RIF1: variants seen among roughly 807,000 people sequenced by gnomAD.
RIF1 encodes the protein replication timing regulatory factor 1.
A neutral mutation model predicts 247.1 loss-of-function variants in RIF1; 45 were observed. The observed-to-expected ratio is 0.18, with a 90% confidence interval of 0.14 to 0.23. The LOEUF is 0.23. Ranked by LOEUF, RIF1 falls within the 10% of genes least tolerant of loss-of-function variation. The pLI is 1.00. For missense variants in RIF1, 2,967 were observed against 2,862.5 expected (o/e 1.04, Z -0.83); for synonymous variants, 1,087 against 978.8 (o/e 1.11, Z -2.06).
At position 151,433,077 on chromosome 2, in the gene RIF1, A is replaced by G; in HGVS notation, c.926A>G (p.Asp309Gly). The G allele has an allele frequency of 1.2e-6, 2 of 1,608,150 alleles. No homozygotes were observed. The highest frequency in any genetic ancestry group is 1.7e-6 in the Non-Finnish European group (2 of 1,176,496). ...SLIDNFALNP[D>G]ILCSAKRLKL... ...AACTGTGTGCTTATTTTCTTTTAAG[A>G]TATACTATGTAGTGCAAAAAGACTC... is the stretch of plus-strand genomic sequence containing the variant. Residue 309 changes from aspartate (D) to glycine (G), a missense_variant and splice_region_variant, in exon 10 of 36, where the codon GAT becomes GGT. Transcript: ENST00000444746.
intron 16 of RIF1, among the ~76,000 whole-genome samples, chr2:151,443,022 C>T (rs1002676374): frequency 2.0e-5 from 3 of 151,938 alleles, no homozygotes; most frequent in Admixed American, 2.0e-4. Flanking sequence ...GTGATCCACC[C>T]GCCTCGGCCT....
At chr2:151,532,271 C>A in the RIF1 span, 15 of 168,060 alleles carry the variant, frequency 8.9e-5, no homozygotes, top group Non-Finnish European at 3.8e-5. Context: ...CCAGAGGTTA[C>A]GAGACTGACC....
Position 151,443,551 on chromosome 2 carries a change from C to T in RIF1, c.1828C>T (p.Leu610Phe). ...CAGGTTCTTTCTCAGTTTGGAATCA[C>T]TTGTAGGCTGTGTTCTTTCTGGTCC... ...DERFFLSLES[L>F]VGCVLSGPTS... The change falls in exon 18 of 36, where the codon CTT (leucine) becomes TTT (phenylalanine). Residue 610 changes from leucine to phenylalanine, a missense_variant. Transcript: ENST00000444746. 6.2e-7 allele frequency: 1 copy of T among 1,603,298 alleles called. No individual in the cohort carries two copies. The highest frequency in any genetic ancestry group is 1.1e-5 in the South Asian group (1 of 88,320).
At chr2:151,512,207 AT>A (rs1282822020), downstream of RIF1, among the ~76,000 whole-genome samples, 3 of 150,562 alleles carry the variant, frequency 2.0e-5, no homozygotes, top group Admixed American at 6.6e-5. Flanking sequence ...ATTTTTGTGT[AT>A]TTTTTTTAGT....
At chr2:151,461,957 T>C (rs1401300400) in intron 27 of RIF1, among the ~76,000 whole-genome samples, 5 of 152,174 alleles carry the variant, frequency 3.3e-5, no homozygotes, top group Non-Finnish European at 4.4e-5. Flanking sequence ...CACTGCAGTC[T>C]CTGCCTCCCG....
rs758229660 is a variant in RIF1, at chr2:151,420,199, A to G, written c.513A>G (p.Glu171=). The G allele has an allele frequency of 2.5e-6, 4 of 1,613,074 alleles. No homozygotes were observed. The highest frequency in any genetic ancestry group is 1.3e-5 in the African/African-American group (1 of 74,914). ...GATTTCTCTATTATAGGCTAATTGA[A>G]CAAGCCCCAATTCAAATGGGAGAAG... ...EALNVIVRLI[E]QAPIQMGEEA... Residue 171 remains glutamate (E), a synonymous_variant, in exon 7 of 36, where the codon GAA becomes GAG. Coordinates refer to ENST00000444746, the MANE Select transcript of RIF1 (RefSeq NM_018151.5).
At position 151,443,672 on chromosome 2, in the gene RIF1, G is replaced by A. The variant is rs1337956807; in HGVS notation, c.1949G>A (p.Ser650Asn). 3.1e-6 allele frequency: 5 copies of A among 1,609,158 alleles called. No individual in the cohort carries two copies. Among genetic ancestry groups the A allele is most frequent in the Middle Eastern group, 1.7e-4 (1 of 6,008 alleles). ...AAGGAGCATCTCTGGAAAATGTGGA[G>A]TGTTATAGTCACCCCATTAACTGAA... is the stretch of plus-strand genomic sequence containing the variant. ...ENKEHLWKMW[S>N]VIVTPLTELI... is the part of the protein sequence containing the mutation. The change falls in exon 18 of 36, where the codon AGT becomes AAT. Residue 650 changes from serine to asparagine, a missense_variant. Coordinates refer to ENST00000444746, the MANE Select transcript of RIF1 (RefSeq NM_018151.5).
intron 3 of RIF1, among the ~76,000 whole-genome samples, chr2:151,413,619 C>T (rs1196205446): frequency 6.6e-6 from 1 of 152,186 alleles, no homozygotes; most frequent in Non-Finnish European, 1.5e-5. Flanking sequence ...CAAACATTTA[C>T]TAGCTGTTAT....
chr2:151,448,350 G>T (rs765166080), intron 20 of RIF1, among the ~76,000 whole-genome samples: 8 of 152,070 alleles, frequency 5.3e-5, no homozygotes, highest in African/African-American at 1.2e-4. Flanking sequence ...AGCCAAAAAT[G>T]ACAGTTCTTA....
chr2:151,516,665 G>C, the RIF1 span: 1 of 761,274 alleles, frequency 1.3e-6, no homozygotes, highest in Non-Finnish European at 2.3e-6. Flanking sequence ...CAATTGGATG[G>C]CATCTCATTG....
chr2:151,436,955 C>G lies in RIF1; in HGVS notation c.1324C>G (p.Pro442Ala). ...AATGTTGCTTCATTTCTTGTTGGGT[C>G]CAGAAGCCTTGAGTTTTGCTAAGCA... ...LEMLLHFLLG[P>A]EALSFAKQNK... is the part of the protein sequence containing the mutation. Residue 442 changes from proline to alanine, a missense_variant, in exon 12 of 36, where the codon CCA becomes GCA. Coordinates refer to ENST00000444746, the MANE Select transcript of RIF1 (RefSeq NM_018151.5). 1 of 1,613,774 alleles carries G rather than the reference C, an allele frequency of 6.2e-7. No homozygotes were observed. The highest frequency in any genetic ancestry group is 8.5e-7 in the Non-Finnish European group (1 of 1,179,888).
At chr2:151,432,829 A>T (rs1239585562) in intron 9 of RIF1, among the ~76,000 whole-genome samples, 3 of 152,176 alleles carry the variant, frequency 2.0e-5, no homozygotes, top group Non-Finnish European at 4.4e-5. Flanking sequence ...CCGGCACACA[A>T]TATCTAATAA....
intron 20 of RIF1, among the ~76,000 whole-genome samples, chr2:151,447,985 C>G (rs1452133419): frequency 1.3e-5 from 2 of 151,970 alleles, no homozygotes; most frequent in African/African-American, 4.8e-5. Flanking sequence ...TTCTCTATAG[C>G]TTATATCTAA....
At chr2:151,427,723 C>T (rs1457585321) in intron 8 of RIF1, among the ~76,000 whole-genome samples, 3 of 149,142 alleles carry the variant, frequency 2.0e-5, no homozygotes, top group Non-Finnish European at 4.4e-5. Flanking sequence ...TAGTTAGTCA[C>T]CAGCCTGGCC....
intron 25 of RIF1, among the ~76,000 whole-genome samples, chr2:151,459,604 G>A (rs543580636): frequency 2.0e-4 from 30 of 152,208 alleles, no homozygotes; most frequent in African/African-American, 7.2e-4. Context: ...TCTGTTGAGG[G>A]GAAATATGCT....
intron 13 of RIF1, among the ~76,000 whole-genome samples, chr2:151,438,279 G>A (rs554546209): frequency 6.6e-6 from 1 of 152,164 alleles, no homozygotes; most frequent in African/African-American, 2.4e-5. Context: ...AGATGTTTGT[G>A]ACCAGCCTAG....
intron 19 of RIF1, 64 bp downstream of exon 19, chr2:151,445,509 C>G: frequency 1.2e-6 from 1 of 853,176 alleles, no homozygotes; most frequent in South Asian, 1.4e-5. Context: ...TTATTTCATC[C>G]TTTATAATCA....
intron 35 of RIF1, 62 bp downstream of exon 35, chr2:151,474,134 G>T: frequency 2.2e-5 from 18 of 807,422 alleles, no homozygotes; most frequent in African/African-American, 7.1e-5. Context: ...CTTGAAATAT[G>T]TTATTTTTTT....
intron 16 of RIF1, among the ~76,000 whole-genome samples, chr2:151,442,709 A>G (rs1007868597): frequency 6.6e-5 from 10 of 151,240 alleles, no homozygotes; most frequent in African/African-American, 2.2e-4. Context: ...CTGGAATCTC[A>G]TAATTCCTTG....
Sources: gnomAD v4.1 joint callset for allele counts (sites outside exome capture counted in the v4.1 genomes callset) on GRCh38, gnomAD v4.1.1 for gene constraint, MANE v1.5 for transcripts, NCBI Gene and HGNC (gene_info 2026-07-23, HGNC 2026-07-21) for gene names.